Variants in VPS13B observed in about 807,000 individuals in gnomAD.
VPS13B encodes the protein vacuolar protein sorting 13 homolog B.
In VPS13B, 285 loss-of-function variants were observed where a neutral mutation model predicts 426.4. The ratio of observed to expected loss-of-function variants is 0.67; its 90% CI spans 0.61 to 0.74. The LOEUF is 0.74. Among genes scored for constraint, VPS13B ranks in the 30% least tolerant of loss-of-function variants. The pLI is 0.00. For missense variants in VPS13B, 4,537 were observed against 4,782.6 expected (o/e 0.95, Z 1.51); for synonymous variants, 1,676 against 1,676.4 (o/e 1.00, Z 0.01).
At chr8:99,670,535 A>T (rs1369669488) in intron 35 of VPS13B, among the ~76,000 whole-genome samples, 1 of 152,032 alleles carries the variant, frequency 6.6e-6, no homozygotes, top group Non-Finnish European at 1.5e-5. Flanking sequence ...TATATAATAC[A>T]GTAGTATTTA....
chr8:99,398,562 G>T (rs1310055893), intron 21 of VPS13B, among the ~76,000 whole-genome samples: 1 of 152,150 alleles, frequency 6.6e-6, no homozygotes, highest in Non-Finnish European at 1.5e-5. Flanking sequence ...ATAGTCACTT[G>T]GGGTATGTGT....
intron 23 of VPS13B, among the ~76,000 whole-genome samples, chr8:99,447,914 G>A (rs1042052948): frequency 4.0e-5 from 6 of 151,426 alleles, no homozygotes; most frequent in African/African-American, 1.5e-4. Context: ...GATATATAGT[G>A]CCCATCATTC....
intron 25 of VPS13B, among the ~76,000 whole-genome samples, chr8:99,499,350 C>T (rs765437449): frequency 7.2e-5 from 11 of 152,100 alleles, no homozygotes; most frequent in Non-Finnish European, 1.5e-4. Flanking sequence ...ACTAAATTTG[C>T]AGCCACAGTT....
Position 99,384,216 on chromosome 8 carries a change from C to T in VPS13B, c.2833C>T (p.Leu945Phe), listed in dbSNP as rs757083270. ...IDYCHNSGAV[L>F]LCSIQGLAVN... ...AAAATCTTGTCTTTTAGGTGCTGTA[C>T]TTCTTTGCAGTATACAAGGACTAGC... is the stretch of plus-strand genomic sequence containing the variant. Residue 945 changes from leucine to phenylalanine, a missense_variant, in exon 20 of 62, where the codon CTT becomes TTT. Around this residue, in one of 2 missense-constraint regions of VPS13B, gnomAD observed 4,311 missense variants for 4,474.3 expected, o/e 0.96. Transcript: ENST00000357162. The T allele has an allele frequency of 1.2e-6, 2 of 1,613,712 alleles. No homozygotes were observed. Among genetic ancestry groups the T allele is most frequent in the East Asian group, 4.5e-5 (2 of 44,842 alleles).
At chr8:99,614,806 C>T (rs564060685) in intron 33 of VPS13B, among the ~76,000 whole-genome samples, 8 of 152,150 alleles carry the variant, frequency 5.3e-5, no homozygotes, top group African/African-American at 1.9e-4. Context: ...GATGCCTTTA[C>T]CAAGTTTCAT....
At position 99,231,778 on chromosome 8, in the gene VPS13B, C is replaced by T. The variant is rs569430915; in HGVS notation, c.2515+38721C>T. Among the ~76,000 whole-genome samples, 10 of 152,272 alleles carry T rather than the reference C, an allele frequency of 6.6e-5. No homozygotes were observed. In the South Asian group the frequency reaches 8.3e-4, roughly 13 times the overall value. On this transcript the variant is annotated intron_variant, in intron 17 of 61. Transcript: ENST00000357162. ...TGTGTGTTTTTCTCATTTATAAAATCGGTAAATTTAACGCCCTGGGCCAAC... is the reference window on the plus strand; with the variant it reads ...TGTGTGTTTTTCTCATTTATAAAATTGGTAAATTTAACGCCCTGGGCCAAC...
chr8:99,041,836 G>T (rs1842978186), intron 3 of VPS13B, among the ~76,000 whole-genome samples: 2 of 142,272 alleles, frequency 1.4e-5, no homozygotes, highest in Admixed American at 1.4e-4. Flanking sequence ...CTGGGCGACA[G>T]AGCGAGACTC....
intron 19 of VPS13B, among the ~76,000 whole-genome samples, chr8:99,282,950 A>G (rs1229928933): frequency 6.6e-6 from 1 of 152,102 alleles, no homozygotes; most frequent in African/African-American, 2.4e-5. Context: ...CACAATTACA[A>G]CTCTAATCTC....
intron 40 of VPS13B, among the ~76,000 whole-genome samples, chr8:99,771,310 G>A (rs1445263929): frequency 6.6e-6 from 1 of 152,160 alleles, no homozygotes; most frequent in Non-Finnish European, 1.5e-5. Context: ...TGCTTGTAAG[G>A]ACTTTTTATC....
chr8:99,316,361 A>G (rs1410351245), intron 19 of VPS13B, among the ~76,000 whole-genome samples: 1 of 152,182 alleles, frequency 6.6e-6, no homozygotes, highest in East Asian at 1.9e-4. Flanking sequence ...TTTTGGCCCC[A>G]GGTTATGATG....
intron 24 of VPS13B, among the ~76,000 whole-genome samples, chr8:99,468,497 A>G (rs770261464): frequency 6.6e-6 from 1 of 151,854 alleles, no homozygotes; most frequent in Non-Finnish European, 1.5e-5. Flanking sequence ...TAAAAACATT[A>G]TTTGTTATAT....
chr8:99,158,033 A>T (rs1811450361), intron 15 of VPS13B, among the ~76,000 whole-genome samples: 1 of 152,232 alleles, frequency 6.6e-6, no homozygotes. Flanking sequence ...AGTGTAAGAG[A>T]AGCCATCTCC....
At chr8:99,366,311 C>T (rs1232631268) in intron 19 of VPS13B, among the ~76,000 whole-genome samples, 2 of 152,080 alleles carry the variant, frequency 1.3e-5, no homozygotes, top group East Asian at 1.9e-4. Flanking sequence ...ATATCCCCTT[C>T]CTGAATTTAC....
Position 99,720,539 on chromosome 8 carries a change from T to C in VPS13B, c.6852T>C (p.Tyr2284=), listed in dbSNP as rs2130340773. ...ACCTACGGACAGGTCTATTTCAGTA[T>C]GTACAGGATGCTGGTAAGTAGCAAC... is the stretch of plus-strand genomic sequence containing the variant. ...SDDLRTGLFQ[Y]VQDAESLKLP... is the part of the protein sequence containing the mutation. The change falls in exon 38 of 62, where the codon TAT becomes TAC. Residue 2284 remains tyrosine (Y), a synonymous_variant. Coordinates refer to ENST00000357162, the MANE Select transcript of VPS13B (RefSeq NM_152564.5). 6.2e-7 allele frequency: 1 copy of C among 1,614,004 alleles called. No homozygotes were observed. The highest frequency in any genetic ancestry group is 8.5e-7 in the Non-Finnish European group (1 of 1,179,916).
chr8:99,156,230 A>T (rs1165024284), intron 14 of VPS13B, among the ~76,000 whole-genome samples: 1 of 152,236 alleles, frequency 6.6e-6, no homozygotes, highest in Non-Finnish European at 1.5e-5. Context: ...TGGAATAATT[A>T]AGCTTAATAA....
chr8:99,489,510 C>T (rs993515393), intron 25 of VPS13B, among the ~76,000 whole-genome samples: 2 of 152,044 alleles, frequency 1.3e-5, no homozygotes, highest in Admixed American at 6.6e-5. Context: ...GCCATTTTCA[C>T]GATATTGATT....
chr8:99,616,344 A>C, intron 33 of VPS13B, among the ~76,000 whole-genome samples: 1 of 152,220 alleles, frequency 6.6e-6, no homozygotes, highest in Admixed American at 6.5e-5. Context: ...ATAATGAGTA[A>C]TAGATGTATA....
chr8:99,288,104 C>T (rs908252997), intron 19 of VPS13B, among the ~76,000 whole-genome samples: 3 of 151,798 alleles, frequency 2.0e-5, no homozygotes, highest in Non-Finnish European at 4.4e-5. Flanking sequence ...CAGTATATTC[C>T]TAGAAGGATA....
At position 99,156,651 on chromosome 8, in the gene VPS13B, A is replaced by T. The variant is rs751897986; in HGVS notation, c.2116A>T (p.Met706Leu). Residue 706 changes from methionine to leucine, a missense_variant, in exon 15 of 62, where the codon ATG becomes TTG. Met to Leu is a conservative substitution (Grantham distance 15). This residue lies in a region of VPS13B where 4,311 missense variants were observed against 4,474.3 expected (regional missense o/e 0.96). Coordinates refer to ENST00000357162, the MANE Select transcript of VPS13B (RefSeq NM_152564.5). ...AATTAATCTGGAACATTCAGTGCCA[A>T]TGTATGCTGAACAGTTGGTGCATGT... Reference protein sequence around the residue: ...DKINLEHSVPMYAEQLVHVVS... With the variant: ...DKINLEHSVPLYAEQLVHVVS... 2 of 1,614,102 alleles carry T rather than the reference A, an allele frequency of 1.2e-6. No individual in the cohort carries two copies. The highest frequency in any genetic ancestry group is 2.7e-5 in the African/African-American group (2 of 75,070).
Sources: allele counts gnomAD v4.1 joint callset (sites outside exome capture counted in the v4.1 genomes callset), GRCh38; gene constraint gnomAD v4.1.1; regional missense constraint gnomAD v4.1.1; transcripts MANE v1.5; gene names NCBI Gene and HGNC (gene_info 2026-07-23, HGNC 2026-07-21).